Variants in NR6A1 observed in about 807,000 individuals in gnomAD.
NR6A1 encodes the protein retinoic acid receptor-related testis-associated receptor.
In NR6A1, 7 loss-of-function variants were observed where a neutral mutation model predicts 59.1. That is an observed-to-expected ratio of 0.12 (90% CI 0.07 to 0.22). NR6A1 has a LOEUF of 0.22. NR6A1 is among the 10% of genes least tolerant of loss of function. The pLI, the probability that NR6A1 is intolerant of heterozygous loss-of-function variation, is 1.00. For synonymous variants in NR6A1, 243 were observed against 236.1 expected (o/e 1.03, Z -0.27); for missense variants, 468 against 611.6 (o/e 0.77, Z 2.48).
chr9:124,689,571 G>A (rs942698229), intron 2 of NR6A1, among the ~76,000 whole-genome samples: 6 of 152,274 alleles, frequency 3.9e-5, no homozygotes, highest in African/African-American at 1.4e-4. Context: ...AACCTTATTG[G>A]ATTTTCATGG....
rs563374249 is a variant in NR6A1 at position 124,547,809 on chromosome 9, C to T, written c.386-3952G>A. 1.2e-3 allele frequency among the ~76,000 whole-genome samples: 187 copies of T among 152,170 alleles called. 1 individual carries two copies. The highest frequency in any genetic ancestry group is 3.9e-3 in the African/African-American group (161 of 41,526). The stretch of plus-strand genomic sequence containing the variant: ...GTTAATAAAGACAAAGAAAGACTGA[C>T]GAACTATTTCAGATTAAAAGAGACT... On this transcript the variant is annotated intron_variant, in intron 3 of 9. Coordinates refer to ENST00000487099, the MANE Select transcript of NR6A1 (RefSeq NM_033334.4).
chr9:124,710,228 G>A (rs768969049), intron 2 of NR6A1, among the ~76,000 whole-genome samples: 4 of 152,014 alleles, frequency 2.6e-5, no homozygotes, highest in South Asian at 2.1e-4. Flanking sequence ...TTTCCTTCTC[G>A]ATGACATAGA....
chr9:124,748,098 T>C (rs1017217198), intron 1 of NR6A1, among the ~76,000 whole-genome samples: 6 of 152,326 alleles, frequency 3.9e-5, no homozygotes, highest in South Asian at 2.1e-4. Context: ...GATGCAAATA[T>C]ACCAACTTTG....
rs920270985 is a variant in NR6A1, at chr9:124,619,859, C to T, written c.143-65289G>A. Among the ~76,000 whole-genome samples the T allele has an allele frequency of 2.6e-5, 4 of 152,138 alleles. No homozygotes were observed. In the East Asian group the frequency reaches 5.8e-4, roughly 22 times the overall value. On this transcript the variant is annotated intron_variant, in intron 2 of 9. Transcript: ENST00000487099. ...GGTGGATCACCTGAGGCCAGGAGTT[C>T]GAGACCAGCCTGACCAATATGGTGA...
chr9:124,585,568 G>T lies in NR6A1; in HGVS notation c.143-30998C>A, dbSNP rs1028635674. Among the ~76,000 whole-genome samples the T allele has an allele frequency of 1.6e-4, 21 of 132,372 alleles. 1 individual carries two copies. The highest frequency in any genetic ancestry group is 7.7e-4 in the East Asian group (3 of 3,874). 86.8% of individuals were successfully genotyped at this position (132,372 alleles called of 152,430 possible). ...CAAAAAAAAAAAAAAAGGGGGGGGG[G>T]GGCAAGGTGAAGCAGCAAGTGCTGA... On this transcript the variant is annotated intron_variant, in intron 2 of 9. Coordinates refer to ENST00000487099, the MANE Select transcript of NR6A1 (RefSeq NM_033334.4).
At chr9:124,718,163 T>G (rs1301104867) in intron 2 of NR6A1, among the ~76,000 whole-genome samples, 1 of 152,234 alleles carries the variant, frequency 6.6e-6, no homozygotes, top group African/African-American at 2.4e-5. Context: ...TAACTTTCAC[T>G]CATGTTTTTT....
intron 2 of NR6A1, among the ~76,000 whole-genome samples, chr9:124,586,079 C>T (rs1834922038): frequency 6.6e-6 from 1 of 152,206 alleles, no homozygotes; most frequent in Non-Finnish European, 1.5e-5. Context: ...GCTAACATAA[C>T]ATCCATTCTG....
At chr9:124,751,111 G>T (rs1840487600) in intron 1 of NR6A1, among the ~76,000 whole-genome samples, 1 of 152,106 alleles carries the variant, frequency 6.6e-6, no homozygotes, top group African/African-American at 2.4e-5. Flanking sequence ...TCCTTATAAG[G>T]TTGCTGCATG....
At chr9:124,634,274 A>G (rs1358075587) in intron 2 of NR6A1, among the ~76,000 whole-genome samples, 1 of 152,118 alleles carries the variant, frequency 6.6e-6, no homozygotes, top group Non-Finnish European at 1.5e-5. Context: ...GGTACATAAC[A>G]AAAAAGTTTA....
chr9:124,767,491 G>A (rs1840968590), intron 1 of NR6A1, among the ~76,000 whole-genome samples: 1 of 149,602 alleles, frequency 6.7e-6, no homozygotes, highest in Non-Finnish European at 1.5e-5. Context: ...CGTCTTTGGA[G>A]GTCACAGAAG....
intron 2 of NR6A1, among the ~76,000 whole-genome samples, chr9:124,710,394 A>AAC (rs374500577): frequency 7.9e-5 from 12 of 151,918 alleles, no homozygotes; most frequent in East Asian, 1.9e-4. Context: ...TACACAATGA[A>AAC]ACACACACAC....
intron 1 of NR6A1, among the ~76,000 whole-genome samples, chr9:124,736,200 T>A (rs1840015897): frequency 6.6e-6 from 1 of 152,152 alleles, no homozygotes; most frequent in Non-Finnish European, 1.5e-5. Context: ...TATGACTCCC[T>A]ATTCTGGGCC....
intron 2 of NR6A1, among the ~76,000 whole-genome samples, chr9:124,597,635 C>T (rs1019670650): frequency 6.6e-6 from 1 of 152,156 alleles, no homozygotes; most frequent in African/African-American, 2.4e-5. Context: ...ACTAACAATC[C>T]TTGATGCACC....
intron 1 of NR6A1, among the ~76,000 whole-genome samples, chr9:124,744,179 G>C (rs933459444): frequency 6.6e-6 from 1 of 152,154 alleles, no homozygotes; most frequent in East Asian, 1.9e-4. Flanking sequence ...GGTTGAGGCC[G>C]CAGTGAGCCA....
At chr9:124,748,844 G>A (rs1160277434) in intron 1 of NR6A1, among the ~76,000 whole-genome samples, 3 of 145,426 alleles carry the variant, frequency 2.1e-5, no homozygotes, top group Non-Finnish European at 4.5e-5. Flanking sequence ...TAGCCTGGGC[G>A]ACAGAGCGAG....
Position 124,535,862 on chromosome 9 carries a change from A to G in NR6A1, c.1079+16T>C, listed in dbSNP as rs376514404. 3.1e-6 allele frequency: 5 copies of G among 1,613,196 alleles called. No individual in the cohort carries two copies. The African/African-American group carries it at 6.7e-5, about 22-fold the overall frequency. On this transcript the variant is annotated intron_variant, in intron 7 of 9. Coordinates refer to ENST00000487099, the MANE Select transcript of NR6A1 (RefSeq NM_033334.4). ...TTTGGTTGTTTGGTATTTCCTCCCC[A>G]GCCAGGAGGCCTCACCTGTGTAGTT...
Position 124,524,732 on chromosome 9 carries a change from C to T in NR6A1, c.1343G>A (p.Arg448Gln). ...PDLMMCLPEIRYIAGKMVNVP... is the reference protein window; with the variant it reads ...PDLMMCLPEIQYIAGKMVNVP... ...ACCCAGAATGTTACCTGCAATATAT[C>T]GAATCTCAGGTAAGCACATCATGAG... Residue 448 changes from arginine to glutamine, a missense_variant, in exon 9 of 10, where the codon CGA becomes CAA. Coordinates refer to ENST00000487099, the MANE Select transcript of NR6A1 (RefSeq NM_033334.4). 1 of 1,613,500 alleles carries T rather than the reference C, an allele frequency of 6.2e-7. No individual in the cohort carries two copies. The highest frequency in any genetic ancestry group is 8.5e-7 in the Non-Finnish European group (1 of 1,179,770).
intron 2 of NR6A1, among the ~76,000 whole-genome samples, chr9:124,715,028 T>A (rs747195602): frequency 2.0e-5 from 3 of 151,898 alleles, no homozygotes; most frequent in Non-Finnish European, 4.4e-5. Context: ...TAAAACCCCA[T>A]CACTACTAAA....
intron 2 of NR6A1, chr9:124,698,165 T>C (rs967298336): frequency 1.3e-5 from 2 of 152,220 alleles, no homozygotes; most frequent in African/African-American, 4.8e-5. Flanking sequence ...TCCAAGTATT[T>C]ACCAATAAGC....
Sources: gnomAD v4.1 joint callset for allele counts (sites outside exome capture counted in the v4.1 genomes callset) on GRCh38, gnomAD v4.1.1 for gene constraint, MANE v1.5 for transcripts, NCBI Gene and HGNC (gene_info 2026-07-23, HGNC 2026-07-21) for gene names.